METTL22: variants seen among roughly 807,000 people sequenced by gnomAD.
METTL22 encodes methyltransferase-like protein 22.
Under a neutral mutation model 48.4 loss-of-function variants are expected in METTL22, and 51 were observed. The ratio of observed to expected loss-of-function variants is 1.05; its 90% CI spans 0.84 to 1.33. The LOEUF is 1.33. Ranked by LOEUF, METTL22 falls within the 40% of genes most tolerant of loss-of-function variation. METTL22 has a pLI of 0.00. For missense variants in METTL22, 678 were observed against 526.9 expected (o/e 1.29, Z -2.81); for synonymous variants, 255 against 214.1 (o/e 1.19, Z -1.67).
At chr16:8,650,260 G>A (rs1006943454), downstream of METTL22, among the ~76,000 whole-genome samples, 21 of 152,344 alleles carry the variant, frequency 1.4e-4, no homozygotes, top group Middle Eastern at 3.4e-3. Flanking sequence ...GGAATTCTAG[G>A]CTGCAGTGAA....
intron 1 of METTL22, among the ~76,000 whole-genome samples, chr16:8,623,039 C>A (rs189949237): frequency 1.2e-3 from 179 of 152,210 alleles, no homozygotes; most frequent in African/African-American, 4.2e-3. Context: ...ATAGGCCATG[C>A]CTGGTGGCTC....
At position 8,646,538 on chromosome 16, in the gene METTL22, C is replaced by G; in HGVS notation, c.*395C>G. On this transcript the variant is annotated 3_prime_UTR_variant, in exon 11 of 11. Coordinates refer to ENST00000381920, the MANE Select transcript of METTL22 (RefSeq NM_024109.4). ...AGCTGTTTACAGATGGGTTGACTAC[C>G]ACTGCCAGTATTGCCATCATATTGC... 1 of 493,126 alleles carries G rather than the reference C, an allele frequency of 2.0e-6. No homozygotes were observed. The highest frequency in any genetic ancestry group is 1.5e-5 in the South Asian group (1 of 64,844). 30.5% of individuals were successfully genotyped at this position (493,126 alleles called of 1,614,324 possible).
In METTL22 at chr16:8,642,160, A is replaced by G. The variant is rs776878927; in HGVS notation, c.860A>G (p.Glu287Gly). Residue 287 changes from glutamate (E) to glycine (G), a missense_variant, in exon 8 of 11, where the codon GAA (glutamate) becomes GGA (glycine). Coordinates refer to ENST00000381920, the MANE Select transcript of METTL22 (RefSeq NM_024109.4). Reference protein sequence around the residue: ...PKVPFSWSQEEISDLYDHTTI... With the variant: ...PKVPFSWSQEGISDLYDHTTI... ...GTCCCCTTCAGTTGGTCACAAGAGG[A>G]AATTTCTGACTTGTACGATCACACC... The G allele has an allele frequency of 2.5e-6, 4 of 1,613,918 alleles. No individual in the cohort carries two copies.
rs1730993 is a variant in METTL22 at position 8,646,378 on chromosome 16, T to C, written c.*235T>C. 0.11 allele frequency: 74,904 copies of C among 696,996 alleles called. 4,794 individuals are homozygous for C. Among genetic ancestry groups the C allele is most frequent in the African/African-American group, 0.18 (10,521 of 57,156 alleles). 43.2% of individuals were successfully genotyped at this position (696,996 alleles called of 1,614,324 possible). On this transcript the variant is annotated 3_prime_UTR_variant, in exon 11 of 11. Transcript: ENST00000381920. ...TTTAGTTGCCTGTTTCTCATGGTTG[T>C]GATGTGTGCTCCAGGGTCAAGCCGA...
At chr16:8,659,766 C>A in the METTL22 span, among the ~76,000 whole-genome samples, 1 of 152,020 alleles carries the variant, frequency 6.6e-6, no homozygotes, top group Non-Finnish European at 1.5e-5. Context: ...CCTTGTTACC[C>A]AGGCTGGAGT....
chr16:8,639,826 G>T (rs559944975), intron 6 of METTL22: 4 of 152,642 alleles, frequency 2.6e-5, no homozygotes, highest in South Asian at 2.1e-4. Flanking sequence ...AGGCCCTTCA[G>T]TGGTTTACTG....
chr16:8,635,597 AAG>A (rs1397378789), intron 5 of METTL22, among the ~76,000 whole-genome samples: 1 of 152,226 alleles, frequency 6.6e-6, no homozygotes, highest in Non-Finnish European at 1.5e-5. Context: ...ACTCCTGAGA[AAG>A]AGCAAATATC....
Position 8,629,041 on chromosome 16 carries a change from C to G in METTL22, c.445C>G (p.Leu149Val). The change falls in exon 3 of 11, where the codon CTA becomes GTA. Residue 149 changes from leucine to valine, a missense_variant. Transcript: ENST00000381920. The part of the protein sequence containing the change: ...PLRDKVHPMI[L>V]AQEEDDVLGE... ...GAGAGACAAGGTACATCCCATGATT[C>G]TAGCACAGGAAGAAGACGACGTCCT... 2 of 1,614,048 alleles carry G rather than the reference C, an allele frequency of 1.2e-6. No homozygotes were observed. The highest frequency in any genetic ancestry group is 1.7e-6 in the Non-Finnish European group (2 of 1,180,048).
rs759498773 is a variant in METTL22 at position 8,644,701 on chromosome 16, G to A, written c.1155G>A (p.Leu385=). ...TGGAGGCCTCCTTCCCACAGCTCCT[G>A]GTTTACGAGCGCCTCCAGCAACTGG... ...EPVEASFPQL[L]VYERLQQLEL... Residue 385 remains leucine (L), a synonymous_variant, in exon 10 of 11, where the codon CTG becomes CTA. Transcript: ENST00000381920. 21 of 1,595,520 alleles carry A rather than the reference G, an allele frequency of 1.3e-5. No homozygotes were observed. The highest frequency in any genetic ancestry group is 6.8e-6 in the Non-Finnish European group (8 of 1,170,304).
chr16:8,626,818 G>C (rs188026023), intron 2 of METTL22, among the ~76,000 whole-genome samples: 4,209 of 126,812 alleles, frequency 0.033, 104 homozygotes, highest in Middle Eastern at 0.076. Context: ...AGGCTGGAGT[G>C]CAGTGGCATG....
At chr16:8,657,327 G>T in the METTL22 span, among the ~76,000 whole-genome samples, 3 of 152,126 alleles carry the variant, frequency 2.0e-5, no homozygotes, top group African/African-American at 7.2e-5. Context: ...TATTATTCTC[G>T]GTTGAGGCTA....
rs2056847141 is a variant in METTL22 at position 8,648,735 on chromosome 16, C to T, written c.*2592C>T. ...CTAAGAATTTGAGGCTGCAGTGAGC[C>T]ATGACTGCACCATTGCACTCTGGCC... On this transcript the variant is annotated 3_prime_UTR_variant, in exon 11 of 11. Coordinates refer to ENST00000381920, the MANE Select transcript of METTL22 (RefSeq NM_024109.4). 6.6e-6 allele frequency: 1 copy of T among 152,314 alleles called. No individual in the cohort carries two copies. The highest frequency in any genetic ancestry group is 1.5e-5 in the Non-Finnish European group (1 of 68,148). 9.4% of individuals were successfully genotyped at this position (152,314 alleles called of 1,614,324 possible). A position where few individuals can be genotyped will look rare whatever the true frequency, so the allele number is the denominator to read the frequency against.
Position 8,625,568 on chromosome 16 carries a change from G to T in METTL22, c.-98G>T. The T allele has an allele frequency of 8.1e-7, 1 of 1,236,044 alleles. No homozygotes were observed. The allele number at this position is 1,236,044 out of a possible 1,614,324, so 76.6% of individuals were successfully genotyped here. A position where few individuals can be genotyped will look rare whatever the true frequency, so the allele number is the denominator to read the frequency against. On this transcript the variant is annotated 5_prime_UTR_variant, in exon 2 of 11. Transcript: ENST00000381920. ...ATGCAAAGCTACTCGCTACCAGCTT[G>T]GACCTGTCTGCAGTATCTCCTCTGG... is the stretch of plus-strand genomic sequence containing the variant.
chr16:8,638,848 C>G (rs140097791), intron 5 of METTL22, among the ~76,000 whole-genome samples: 2 of 152,316 alleles, frequency 1.3e-5, no homozygotes, highest in Non-Finnish European at 2.9e-5. Context: ...GGAGCTCACA[C>G]TCCTTCCCTC....
Position 8,625,721 on chromosome 16 carries a change from CTG to C in METTL22, c.59_60del (p.Val20AlafsTer12). On this transcript the variant is annotated frameshift_variant, in exon 2 of 11. Transcript: ENST00000381920. LOFTEE classifies it high-confidence loss of function. ...GACGAGGTCACCTTTAGGAGCGACA[CTG>C]TGCTGTCAGATGTCCACCTCTATAC... 6.2e-7 allele frequency: 1 copy of C among 1,614,204 alleles called. No homozygotes were observed. Among genetic ancestry groups the C allele is most frequent in the East Asian group, 2.2e-5 (1 of 44,880 alleles).
At chr16:8,627,022 C>T (rs1387723911) in intron 2 of METTL22, among the ~76,000 whole-genome samples, 2 of 152,098 alleles carry the variant, frequency 1.3e-5, no homozygotes. Flanking sequence ...GCCTCGGCCT[C>T]CCAAAGTGTC....
chr16:8,627,038 C>T (rs79391743), intron 2 of METTL22, among the ~76,000 whole-genome samples: 2 of 152,070 alleles, frequency 1.3e-5, no homozygotes, highest in African/African-American at 4.8e-5. Context: ...GTGTCCTCTG[C>T]TCTTTATCCC....
chr16:8,630,237 C>T (rs1469452097), intron 3 of METTL22, among the ~76,000 whole-genome samples: 2 of 152,222 alleles, frequency 1.3e-5, no homozygotes, highest in African/African-American at 4.8e-5. Context: ...TGGTACCAAG[C>T]AGCCTCTGTT....
chr16:8,639,607 G>T lies in METTL22; in HGVS notation c.772+445G>T, dbSNP rs183717952. The stretch of plus-strand genomic sequence containing the variant: ...GGCCTCCCTGGCCCAGCCCCGGCCT[G>T]CTCTCCTTGCCTCCTCCTGACAGTC... On this transcript the variant is annotated intron_variant, in intron 6 of 10. Coordinates refer to ENST00000381920, the MANE Select transcript of METTL22 (RefSeq NM_024109.4). The T allele has an allele frequency of 1.9e-4, 37 of 197,546 alleles. No homozygotes were observed. In the East Asian group the frequency reaches 4.3e-3, roughly 23 times the overall value. 12.2% of individuals were successfully genotyped at this position (197,546 alleles called of 1,614,324 possible).
Sources: gnomAD v4.1 joint callset for allele counts (sites outside exome capture counted in the v4.1 genomes callset) on GRCh38, gnomAD v4.1.1 for gene constraint, MANE v1.5 for transcripts, NCBI Gene and HGNC (gene_info 2026-07-23, HGNC 2026-07-21) for gene names.